USP6: variants seen among roughly 807,000 people sequenced by gnomAD.
USP6 encodes ubiquitin carboxyl-terminal hydrolase 6.
USP6 carries 128 observed loss-of-function variants against 175.7 expected under a neutral mutation model. The observed-to-expected ratio is 0.73, with a 90% CI of 0.63 to 0.84. The LOEUF is 0.84. Ranked by LOEUF, USP6 falls within the 40% of genes least tolerant of loss-of-function variation. The probability of loss-of-function intolerance (pLI) is 0.00; values close to 1 mark genes in which losing one functional copy is unlikely to be tolerated. For synonymous variants in USP6, 562 were observed against 630.6 expected, an observed-to-expected ratio of 0.89 and a Z score of 1.63; for missense variants, 1,498 against 1,760.3, an observed-to-expected ratio of 0.85 and a Z score of 2.67.
intron 33 of USP6, among the ~76,000 whole-genome samples, chr17:5,165,275 A>G (rs2074075262): frequency 6.6e-6 from 1 of 152,174 alleles, no homozygotes; most frequent in East Asian, 1.9e-4. Flanking sequence ...TTTCCACATG[A>G]ATATTATACC....
rs966157133 is a variant in USP6 at position 5,135,169 on chromosome 17, T to C, written c.495-65T>C. Reference sequence around the variant, plus strand: ...CTGAAATGGGATTTGTTAGGATTTGTAGACAAAGTGAAACTAACAGCATCT... The same window carrying C: ...CTGAAATGGGATTTGTTAGGATTTGCAGACAAAGTGAAACTAACAGCATCT... On this transcript the variant is annotated intron_variant, in intron 15 of 37. Coordinates refer to ENST00000574788, the MANE Select transcript of USP6 (RefSeq NM_001304284.2). 8 of 1,560,426 alleles carry C rather than the reference T, an allele frequency of 5.1e-6. No homozygotes were observed. In the African/African-American group the frequency reaches 1.1e-4, roughly 21 times the overall value.
Position 5,132,530 on chromosome 17 carries a change from G to T in USP6, c.195+95G>T. The stretch of plus-strand genomic sequence containing the variant: ...GGAAGCAGCTGGCCTGGGCGGTGGC[G>T]GGTGAGGGCAACACGCTGTCACTGG... On this transcript the variant is annotated intron_variant, in intron 12 of 37. Transcript: ENST00000574788. This position sits in a 1 kb window ranked among gnomAD's most constrained non-coding sequence, Gnocchi z 4.7. 2 of 1,602,444 alleles carry T rather than the reference G, an allele frequency of 1.2e-6. No individual in the cohort carries two copies. The highest frequency in any genetic ancestry group is 1.7e-6 in the Non-Finnish European group (2 of 1,171,328).
chr17:5,172,251 GC>G (rs1319400664), intron 37 of USP6, among the ~76,000 whole-genome samples: 1 of 150,964 alleles, frequency 6.6e-6, no homozygotes, highest in Non-Finnish European at 1.5e-5. Flanking sequence ...ATGGGGTTGG[GC>G]CGAGCGCGGT....
At chr17:5,123,905 GCACACACA>G (rs894951754) in intron 4 of USP6, among the ~76,000 whole-genome samples, 2 of 141,504 alleles carry the variant, frequency 1.4e-5, no homozygotes, top group Admixed American at 6.8e-5. Context: ...ACGCACGTGC[GCACACACA>G]CACACGCACA....
At chr17:5,133,013 C>T (rs201366211) in intron 13 of USP6, 23 bp downstream of exon 13, 5 of 1,611,580 alleles carry the variant, frequency 3.1e-6, no homozygotes, top group East Asian at 4.5e-5. Flanking sequence ...GGGAGAGGCC[C>T]CTGGAAGCAC....
rs6502844 is a variant in USP6 at position 5,116,373 on chromosome 17, C to T, written c.-2295C>T. 106,316 of 152,266 alleles carry T rather than the reference C, an allele frequency of 0.7. 39,478 individuals are homozygous for T. Among genetic ancestry groups the T allele is most frequent in the Non-Finnish European group, 0.84 (57,560 of 68,144 alleles). 9.4% of individuals were successfully genotyped at this position (152,266 alleles called of 1,614,324 possible). A position where few individuals can be genotyped will look rare whatever the true frequency, so the allele number is the denominator to read the frequency against. On this transcript the variant is annotated 5_prime_UTR_variant, in exon 1 of 38. Transcript: ENST00000574788. ...CTTAGGCCCGCACCATCGAGTCGAA[C>T]CGAGTCCTCATGTTTTCCTAGACAA... is the stretch of plus-strand genomic sequence containing the variant.
At chr17:5,140,267 G>A (rs957894811) in intron 22 of USP6, among the ~76,000 whole-genome samples, 1 of 152,106 alleles carries the variant, frequency 6.6e-6, no homozygotes, top group Non-Finnish European at 1.5e-5. Flanking sequence ...TAATAGCATG[G>A]CCCATAAAAA....
In USP6 at chr17:5,145,407, C is replaced by T; in HGVS notation, c.1995C>T (p.Ala665=). 1.1e-5 allele frequency: 18 copies of T among 1,594,576 alleles called. No individual in the cohort carries two copies. Among genetic ancestry groups the T allele is most frequent in the Non-Finnish European group, 1.5e-5 (18 of 1,171,400 alleles). ...GRPDWEVAAE[A]WDNHLRRNRS... ...ATTCTCATCTTTTTTATTGCTAGGC[C>T]TGGGACAACCATCTAAGAAGAAATA... The change falls in exon 27 of 38, where the codon GCC becomes GCT. Residue 665 remains alanine (A), a splice_region_variant and synonymous_variant. Transcript: ENST00000574788.
chr17:5,173,382 A>G lies in USP6; in HGVS notation c.*404A>G, dbSNP rs2074266383. The G allele has an allele frequency of 8.7e-6, 2 of 229,988 alleles. No individual in the cohort carries two copies. The highest frequency in any genetic ancestry group is 1.8e-4 in the South Asian group (1 of 5,624). 14.2% of individuals were successfully genotyped at this position (229,988 alleles called of 1,614,324 possible). A position where few individuals can be genotyped will look rare whatever the true frequency, so the allele number is the denominator to read the frequency against. On this transcript the variant is annotated 3_prime_UTR_variant, in exon 38 of 38. Coordinates refer to ENST00000574788, the MANE Select transcript of USP6 (RefSeq NM_001304284.2). ...AATTATAATGTTGTCTAGGGACGACATGATACGCTACCTCCTTTTTCCTGA... is the reference window on the plus strand; with the variant it reads ...AATTATAATGTTGTCTAGGGACGACGTGATACGCTACCTCCTTTTTCCTGA...
At chr17:5,163,125 C>G in intron 33 of USP6, 121 bp downstream of exon 33, 1 of 1,381,372 alleles carries the variant, frequency 7.2e-7, no homozygotes, top group South Asian at 1.7e-5. Context: ...CATTGGCATC[C>G]TCTATGGCAC....
intron 30 of USP6, among the ~76,000 whole-genome samples, chr17:5,150,935 G>GTGAC (rs1567801557): frequency 6.6e-6 from 1 of 152,056 alleles, no homozygotes; most frequent in Non-Finnish European, 1.5e-5. Context: ...TCTTTGGCTT[G>GTGAC]TGACTACATA....
At position 5,135,357 on chromosome 17, in the gene USP6, G is replaced by A. The variant is rs957502909; in HGVS notation, c.543+75G>A. ...GGAGTGGGTGTCTGGTGGGGGTGTC[G>A]TTGCTTCTTTTAAAGTTGGTATTTG... On this transcript the variant is annotated intron_variant, in intron 16 of 37. Transcript: ENST00000574788. 58 of 1,562,146 alleles carry A rather than the reference G, an allele frequency of 3.7e-5. 1 individual carries two copies. The South Asian group carries it at 5.2e-4, about 14-fold the overall frequency.
intron 31 of USP6, among the ~76,000 whole-genome samples, chr17:5,160,343 AG>A (rs1320643888): frequency 6.6e-6 from 1 of 152,202 alleles, no homozygotes; most frequent in East Asian, 1.9e-4. Flanking sequence ...TGAGCTGTAA[AG>A]TATGCCACTC....
intron 3 of USP6, 24 bp downstream of exon 3, chr17:5,120,812 T>G: frequency 2.2e-6 from 1 of 452,196 alleles, no homozygotes; most frequent in Admixed American, 2.4e-5. Flanking sequence ...TGTAAGCAGG[T>G]GTGCACACAT....
intron 5 of USP6, 143 bp from the exon 6 acceptor site, chr17:5,125,678 G>GCGCACACACACACACACA (rs1344445678): frequency 7.3e-6 from 1 of 137,592 alleles, no homozygotes; most frequent in African/African-American, 2.8e-5. Flanking sequence ...ACACGCACAT[G>GCGCACACACACACACACA]CACACACACA....
In USP6 at chr17:5,170,864, C is replaced by A; in HGVS notation, c.3903C>A (p.Asp1301Glu). 6.2e-7 allele frequency: 1 copy of A among 1,612,634 alleles called. No homozygotes were observed. Among genetic ancestry groups the A allele is most frequent in the Non-Finnish European group, 8.5e-7 (1 of 1,179,856 alleles). Residue 1301 changes from aspartate to glutamate, a missense_variant, in exon 36 of 38, where the codon GAC becomes GAA. This residue lies in a region of USP6 where 1,217 missense variants were observed against 1,500.8 expected (regional missense o/e 0.81). Transcript: ENST00000574788. The stretch of plus-strand genomic sequence containing the variant: ...ACAGTGAAGAAGACAGCACTGATGA[C>A]CAAAGAGAAGACACTCATATTAAGC... ...GNHSEEDSTD[D>E]QREDTHIKPI...
At chr17:5,167,490 C>T (rs1234225185) in intron 33 of USP6, among the ~76,000 whole-genome samples, 2 of 152,080 alleles carry the variant, frequency 1.3e-5, no homozygotes, top group Admixed American at 1.3e-4. Context: ...TGTATTTGCT[C>T]GGACTCTAGT....
intron 35 of USP6, 86 bp downstream of exon 35, chr17:5,169,141 G>C: frequency 7.1e-7 from 1 of 1,412,130 alleles, no homozygotes; most frequent in Non-Finnish European, 9.4e-7. Flanking sequence ...TGGAACATCA[G>C]GTTGGTTGGG....
chr17:5,168,330 C>T (rs2074138543), intron 34 of USP6, among the ~76,000 whole-genome samples: 1 of 132,638 alleles, frequency 7.5e-6, no homozygotes, highest in African/African-American at 2.5e-5. Flanking sequence ...AAGCTCATAA[C>T]CTAGAAGAAG....
Sources: allele counts gnomAD v4.1 joint callset (sites outside exome capture counted in the v4.1 genomes callset), GRCh38; gene constraint gnomAD v4.1.1; regional missense constraint gnomAD v4.1.1; non-coding constraint Gnocchi (gnomAD v3.1); transcripts MANE v1.5; gene names NCBI Gene and HGNC (gene_info 2026-07-23, HGNC 2026-07-21).